The following LRRC32 variants were observed in gnomAD, a reference collection of about 807,000 sequenced individuals.
LRRC32 encodes transforming growth factor beta activator LRRC32.
Under a neutral mutation model 15.0 loss-of-function variants are expected in LRRC32, and 5 were observed. The ratio of observed to expected loss-of-function variants is 0.33; its 90% CI spans 0.17 to 0.70. The LOEUF (loss-of-function observed/expected upper bound fraction) is 0.70. Among genes scored for constraint, LRRC32 ranks in the 30% least tolerant of loss-of-function variants. The probability of loss-of-function intolerance (pLI) is 0.66; values close to 1 mark genes in which losing one functional copy is unlikely to be tolerated. For synonymous variants in LRRC32, 391 were observed against 403.9 expected, an observed-to-expected ratio of 0.97 and a Z score of 0.38; for missense variants, 803 against 854.2, an observed-to-expected ratio of 0.94 and a Z score of 0.75.
chr11:76,667,518 C>T (rs1199105224), intron 1 of LRRC32, among the ~76,000 whole-genome samples: 6 of 152,234 alleles, frequency 3.9e-5, no homozygotes, highest in South Asian at 4.1e-4. Context: ...CTCTTGAAGG[C>T]GCACAGACCA....
At chr11:76,662,782 T>C (rs1462250593) in intron 2 of LRRC32, 1 of 152,366 alleles carries the variant, frequency 6.6e-6, no homozygotes, top group Non-Finnish European at 1.5e-5. Context: ...ACTCTGACAA[T>C]GAGGCAGCTT....
At position 76,659,994 on chromosome 11, in the gene LRRC32, T is replaced by C; in HGVS notation, c.1599A>G (p.Thr533=). Residue 533 remains threonine (T), a synonymous_variant, in exon 3 of 3, where the codon ACA becomes ACG. Transcript: ENST00000260061. ...ENRLSHLPAW[T]QAVSLEVLDL... ...CCAGCACCTCCAGTGACACAGCCTG[T>C]GTCCAGGCGGGAAGGTGGCTCAGGC... The C allele has an allele frequency of 6.2e-7, 1 of 1,614,086 alleles. No individual in the cohort carries two copies. The highest frequency in any genetic ancestry group is 8.5e-7 in the Non-Finnish European group (1 of 1,180,022).
At chr11:76,665,436 G>T (rs146470887) in intron 2 of LRRC32, among the ~76,000 whole-genome samples, 1 of 152,124 alleles carries the variant, frequency 6.6e-6, no homozygotes, top group Non-Finnish European at 1.5e-5. Flanking sequence ...AAGTCAAGGA[G>T]CCCAGCTTGG....
Position 76,660,214 on chromosome 11 carries a change from G to T in LRRC32, c.1379C>A (p.Ala460Glu), listed in dbSNP as rs927504108. The change falls in exon 3 of 3, where the codon GCA becomes GAA. Residue 460 changes from alanine to glutamate, a missense_variant. Physicochemically the swap from Ala to Glu is moderately radical, Grantham distance 107. Transcript: ENST00000260061. Reference protein sequence around the residue: ...LVDNEIELLRAGAFLHTPLTE... With the variant: ...LVDNEIELLREGAFLHTPLTE... ...CAGTGGGGTGTGGAGGAAGGCCCCT[G>T]CCCTGAGCAGCTCTATCTCATTATC... 6.3e-7 allele frequency: 1 copy of T among 1,577,838 alleles called. No homozygotes were observed. The highest frequency in any genetic ancestry group is 8.6e-7 in the Non-Finnish European group (1 of 1,163,712).
chr11:76,660,149 C>A lies in LRRC32; in HGVS notation c.1444G>T (p.Ala482Ser), dbSNP rs1279730411. ...DLSSNPGLEV[A>S]TGALGGLEAS... Reference sequence around the variant, plus strand: ...TCCAGGCCTCCCAAGGCCCCCGTGGCCACCTCCAGCCCAGGATTGGAAGAA... The same window carrying A: ...TCCAGGCCTCCCAAGGCCCCCGTGGACACCTCCAGCCCAGGATTGGAAGAA... Residue 482 changes from alanine to serine, a missense_variant, in exon 3 of 3, where the codon GCC becomes TCC. Ala to Ser is a moderately conservative substitution (Grantham distance 99). Coordinates refer to ENST00000260061, the MANE Select transcript of LRRC32 (RefSeq NM_001128922.2). 8 of 1,604,994 alleles carry A rather than the reference C, an allele frequency of 5.0e-6. No individual in the cohort carries two copies. The African/African-American group carries it at 9.4e-5, about 19-fold the overall frequency.
intron 2 of LRRC32, among the ~76,000 whole-genome samples, chr11:76,664,836 C>T (rs185695242): frequency 2.6e-5 from 4 of 152,204 alleles, no homozygotes; most frequent in Admixed American, 6.5e-5. Flanking sequence ...CTTCTCTGCC[C>T]GCAATTCTGG....
At position 76,660,473 on chromosome 11, in the gene LRRC32, C is replaced by T; in HGVS notation, c.1120G>A (p.Ala374Thr). The T allele has an allele frequency of 6.2e-7, 1 of 1,614,050 alleles. No individual in the cohort carries two copies. Among genetic ancestry groups the T allele is most frequent in the Non-Finnish European group, 8.5e-7 (1 of 1,179,992 alleles). The change falls in exon 3 of 3, where the codon GCC (alanine) becomes ACC (threonine). Residue 374 changes from alanine (A) to threonine (T), a missense_variant. Transcript: ENST00000260061. The stretch of plus-strand genomic sequence containing the variant: ...GCGCCCAGTTCCAGTGTCTCCAGGG[C>T]ATTGTGGCTTAAGTCAAGGAGCATC... ...CLMLLDLSHNALETLELGARA... is the reference protein window; with the variant it reads ...CLMLLDLSHNTLETLELGARA...
chr11:76,669,332 A>G (rs1340472086), intron 1 of LRRC32, among the ~76,000 whole-genome samples: 2 of 149,372 alleles, frequency 1.3e-5, no homozygotes, highest in East Asian at 4.0e-4. Context: ...CCAACTCAGA[A>G]AAGTGCCAAA....
At position 76,670,703 on chromosome 11, in the gene LRRC32, C is replaced by G. The variant is rs1952697565; in HGVS notation, c.-94G>C. ...CCGGGTCCCACCCCGCGCCAGACCCCGGGGTCACGGCCCGAGGAGGAGCAG... is the reference window on the plus strand; with the variant it reads ...CCGGGTCCCACCCCGCGCCAGACCCGGGGGTCACGGCCCGAGGAGGAGCAG... On this transcript the variant is annotated 5_prime_UTR_variant, in exon 1 of 3. Coordinates refer to ENST00000260061, the MANE Select transcript of LRRC32 (RefSeq NM_001128922.2). 2.6e-5 allele frequency: 4 copies of G among 152,186 alleles called. No homozygotes were observed. The highest frequency in any genetic ancestry group is 2.6e-4 in the Admixed American group (4 of 15,286). The allele number at this position is 152,186 out of a possible 1,614,324, so 9.4% of individuals were successfully genotyped here.
rs552037826 is a variant in LRRC32 at position 76,660,931 on chromosome 11, C to T, written c.662G>A (p.Arg221Gln). Residue 221 changes from arginine to glutamine, a missense_variant, in exon 3 of 3, where the codon CGG (arginine) becomes CAG (glutamine). Coordinates refer to ENST00000260061, the MANE Select transcript of LRRC32 (RefSeq NM_001128922.2). ...CISDFSLQQL[R>Q]VLDLSCNSIE... ...GCTGTTGCAGCTCAGGTCTAGCACC[C>T]GCAGCTGCTGGAGGCTGAAGTCGGA... The T allele has an allele frequency of 2.4e-5, 38 of 1,614,146 alleles. 1 individual carries two copies. In the South Asian group the frequency reaches 3.2e-4, roughly 14 times the overall value.
chr11:76,661,251 C>G lies in LRRC32; in HGVS notation c.342G>C (p.Ala114=), dbSNP rs765161972. The part of the protein sequence containing the change: ...LAHNRLAMAT[A]LSAGGLGPLP... ...GGGGGCCCAGGCCACCAGCACTCAGCGCAGTGGCCATCGCCAGCCGGTTGT... is the reference window on the plus strand; with the variant it reads ...GGGGGCCCAGGCCACCAGCACTCAGGGCAGTGGCCATCGCCAGCCGGTTGT... Residue 114 remains alanine (A), a synonymous_variant, in exon 3 of 3, where the codon GCG becomes GCC. Transcript: ENST00000260061. The G allele has an allele frequency of 1.3e-5, 21 of 1,613,916 alleles. No individual in the cohort carries two copies. Among genetic ancestry groups the G allele is most frequent in the Non-Finnish European group, 1.7e-5 (20 of 1,179,896 alleles).
Position 76,659,660 on chromosome 11 carries a change from G to T in LRRC32, c.1933C>A (p.Leu645Met). 6.2e-7 allele frequency: 1 copy of T among 1,614,238 alleles called. No homozygotes were observed. The change falls in exon 3 of 3, where the codon CTG becomes ATG. Residue 645 changes from leucine (L) to methionine (M), a missense_variant. Leu to Met is a conservative substitution (Grantham distance 15, BLOSUM62 2). Coordinates refer to ENST00000260061, the MANE Select transcript of LRRC32 (RefSeq NM_001128922.2). The stretch of plus-strand genomic sequence containing the variant: ...CGGCGGACGCAGCAGCAGGCGGCCA[G>T]CGTGGTGAGGAGGATGGCAGAGACC... ...ILVSAILLTTLAACCCVRRQK... is the reference protein window; with the variant it reads ...ILVSAILLTTMAACCCVRRQK...
chr11:76,667,894 A>G (rs1382724118), intron 1 of LRRC32, among the ~76,000 whole-genome samples: 1 of 152,230 alleles, frequency 6.6e-6, no homozygotes, highest in Admixed American at 6.5e-5. Context: ...CTCTTCTGCT[A>G]AAGACCTCCT....
At chr11:76,668,273 G>A (rs996316504) in intron 1 of LRRC32, among the ~76,000 whole-genome samples, 1 of 151,988 alleles carries the variant, frequency 6.6e-6, no homozygotes, top group African/African-American at 2.4e-5. Context: ...AGAGACCCCG[G>A]ATCTTCCTAC....
At chr11:76,666,897 T>C (rs900024347) in intron 1 of LRRC32, among the ~76,000 whole-genome samples, 2 of 152,130 alleles carry the variant, frequency 1.3e-5, no homozygotes, top group Non-Finnish European at 1.5e-5. Flanking sequence ...GAAAAAGAAG[T>C]GACAGTGACG....
intron 2 of LRRC32, among the ~76,000 whole-genome samples, chr11:76,665,377 C>A (rs1192012432): frequency 6.6e-6 from 1 of 152,086 alleles, no homozygotes; most frequent in Non-Finnish European, 1.5e-5. Context: ...GAGATGGCAG[C>A]ATTTGATCTG....
In LRRC32 at chr11:76,659,482, C is replaced by T; in HGVS notation, c.*122G>A. The stretch of plus-strand genomic sequence containing the variant: ...TGCAGCAGGCGGCAGAGAAAGGTGT[C>T]CTGGGCTGTAATTTGGAGACCAGAG... On this transcript the variant is annotated 3_prime_UTR_variant, in exon 3 of 3. Coordinates refer to ENST00000260061, the MANE Select transcript of LRRC32 (RefSeq NM_001128922.2). 1 of 1,086,466 alleles carries T rather than the reference C, an allele frequency of 9.2e-7. No homozygotes were observed. The highest frequency in any genetic ancestry group is 1.6e-5 in the South Asian group (1 of 62,114). 67.3% of individuals were successfully genotyped at this position (1,086,466 alleles called of 1,614,324 possible). A position where few individuals can be genotyped will look rare whatever the true frequency, so the allele number is the denominator to read the frequency against.
chr11:76,665,796 G>A (rs913352738), intron 2 of LRRC32, 75 bp downstream of exon 2: 1 of 1,594,624 alleles, frequency 6.3e-7, no homozygotes, highest in Non-Finnish European at 8.6e-7. Flanking sequence ...TCTGGCTTCT[G>A]GGGCTGGGGC....
At chr11:76,664,796 T>C (rs948873548) in intron 2 of LRRC32, among the ~76,000 whole-genome samples, 6 of 152,240 alleles carry the variant, frequency 3.9e-5, no homozygotes, top group African/African-American at 1.4e-4. Context: ...TGAGGTAGAA[T>C]GTGCGTTTGT....
Sources: gnomAD v4.1 joint callset for allele counts (sites outside exome capture counted in the v4.1 genomes callset) on GRCh38, gnomAD v4.1.1 for gene constraint, MANE v1.5 for transcripts, NCBI Gene and HGNC (gene_info 2026-07-23, HGNC 2026-07-21) for gene names.